Variants in PRKCA observed in about 807,000 individuals in gnomAD.
PRKCA encodes protein kinase C alpha.
A neutral mutation model predicts 87.0 loss-of-function variants in PRKCA; 27 were observed. That is an observed-to-expected ratio of 0.31 (90% CI 0.23 to 0.43). The LOEUF is 0.43. PRKCA is among the 20% of genes least tolerant of loss of function. The pLI is 1.00. For missense variants in PRKCA, 518 were observed against 852.3 expected (o/e 0.61, Z 4.88); for synonymous variants, 329 against 311.1 (o/e 1.06, Z -0.61).
At chr17:66,447,561 A>G (rs1254090513) in intron 2 of PRKCA, among the ~76,000 whole-genome samples, 1 of 152,206 alleles carries the variant, frequency 6.6e-6, no homozygotes, top group African/African-American at 2.4e-5. Context: ...TTGTTAAAAG[A>G]GCAGGGTGGT....
rs35886735 is a variant in PRKCA at position 66,803,636 on chromosome 17, CA to C, written c.1855-235del. On this transcript the variant is annotated intron_variant, in intron 16 of 16. Transcript: ENST00000413366. This position sits in a 1 kb window ranked among gnomAD's most constrained non-coding sequence, Gnocchi z 4.4. ...TGTTGCTGCCTCATTGCCAGCCGTGCAATTCCCACCCAGGGCTTCTGTTCGG... is the reference window on the plus strand; with the variant it reads ...TGTTGCTGCCTCATTGCCAGCCGTGCATTCCCACCCAGGGCTTCTGTTCGG... Among the ~76,000 whole-genome samples, 24,178 of 152,096 alleles carry C rather than the reference CA, an allele frequency of 0.16. 1,989 individuals are homozygous for C. Among genetic ancestry groups the C allele is most frequent in the African/African-American group, 0.2 (8,134 of 41,482 alleles).
intron 3 of PRKCA, among the ~76,000 whole-genome samples, chr17:66,534,528 G>A (rs148519164): frequency 0.014 from 2,157 of 152,136 alleles, 39 homozygotes; most frequent in African/African-American, 0.049. Flanking sequence ...TTAGCCGGGC[G>A]TGGTGGCGGG....
At chr17:66,738,951 C>A in intron 11 of PRKCA, 96 bp downstream of exon 11, 1 of 938,726 alleles carries the variant, frequency 1.1e-6, no homozygotes, top group Non-Finnish European at 1.7e-6. Context: ...GGGGGTCTCA[C>A]TCTGTCACTC....
rs539162600 is a variant in PRKCA at position 66,486,775 on chromosome 17, C to T, written c.206-9426C>T. On this transcript the variant is annotated intron_variant, in intron 2 of 16. Coordinates refer to ENST00000413366, the MANE Select transcript of PRKCA (RefSeq NM_002737.3). ...TGGCCTAACAGTATATTATACTTTT[C>T]TCAAATTGAGACCCCTGTTTATTGT... Among the ~76,000 whole-genome samples the T allele has an allele frequency of 9.2e-5, 14 of 152,262 alleles. No individual in the cohort carries two copies. In the South Asian group the frequency reaches 2.9e-3, roughly 32 times the overall value.
At chr17:66,690,817 G>A in intron 8 of PRKCA, among the ~76,000 whole-genome samples, 1 of 112,548 alleles carries the variant, frequency 8.9e-6, no homozygotes, top group East Asian at 2.7e-4. Context: ...AACAGAGCAA[G>A]ACTCTGTCTC....
At chr17:66,618,485 A>T (rs1970577721) in intron 3 of PRKCA, among the ~76,000 whole-genome samples, 1 of 152,194 alleles carries the variant, frequency 6.6e-6, no homozygotes, top group Non-Finnish European at 1.5e-5. Flanking sequence ...ATTAGAAGAA[A>T]ACATTAACTG....
chr17:66,680,053 A>C (rs1435949531), intron 5 of PRKCA, among the ~76,000 whole-genome samples: 1 of 152,232 alleles, frequency 6.6e-6, no homozygotes, highest in Non-Finnish European at 1.5e-5. Context: ...CTCAAAGACA[A>C]GGCTCATGGG....
In PRKCA at chr17:66,660,272, G is replaced by T. The variant is rs565305160; in HGVS notation, c.529+14761G>T. ...AGTGGGTCCGTTTGGTGGGGGTCCA[G>T]TTTTCTGAAACAACTCAAGGGCATG... On this transcript the variant is annotated intron_variant, in intron 5 of 16. Transcript: ENST00000413366. Among the ~76,000 whole-genome samples the T allele has an allele frequency of 3.3e-5, 5 of 152,236 alleles. No homozygotes were observed. The South Asian group carries it at 1.0e-3, about 32-fold the overall frequency.
chr17:66,499,312 T>C (rs1462462858), intron 3 of PRKCA, among the ~76,000 whole-genome samples: 4 of 151,922 alleles, frequency 2.6e-5, no homozygotes, highest in African/African-American at 7.3e-5. Context: ...GCCAGAAAAG[T>C]AGGAAGAAAA....
At chr17:66,677,566 G>A (rs561937103) in intron 5 of PRKCA, among the ~76,000 whole-genome samples, 110 of 152,292 alleles carry the variant, frequency 7.2e-4, no homozygotes, top group Non-Finnish European at 1.2e-3. Flanking sequence ...CACACTAATA[G>A]GTGAACCTGA....
intron 2 of PRKCA, among the ~76,000 whole-genome samples, chr17:66,352,987 G>A (rs1038097860): frequency 2.6e-5 from 4 of 152,040 alleles, no homozygotes; most frequent in Admixed American, 6.5e-5. Context: ...GTATTTCTTC[G>A]GTATCTGTTT....
intron 3 of PRKCA, among the ~76,000 whole-genome samples, chr17:66,567,816 C>T (rs1315577640): frequency 8.5e-5 from 13 of 152,100 alleles, no homozygotes; most frequent in Non-Finnish European, 2.9e-5. Context: ...TGAAAAATTC[C>T]TATAAGTGAA....
At chr17:66,362,117 C>A (rs904197624) in intron 2 of PRKCA, among the ~76,000 whole-genome samples, 5 of 152,120 alleles carry the variant, frequency 3.3e-5, no homozygotes, top group African/African-American at 1.2e-4. Flanking sequence ...CTCACTGCAA[C>A]CTCTGCCTCC....
chr17:66,617,409 C>T lies in PRKCA; in HGVS notation c.289-23946C>T, dbSNP rs535668329. On this transcript the variant is annotated intron_variant, in intron 3 of 16. Coordinates refer to ENST00000413366, the MANE Select transcript of PRKCA (RefSeq NM_002737.3). The stretch of plus-strand genomic sequence containing the variant: ...TGTGTTATCTGACACATACCAGCTT[C>T]GTGGATATCAAAGGGGGAGGATTAC... 4.6e-5 allele frequency among the ~76,000 whole-genome samples: 7 copies of T among 152,178 alleles called. 1 individual carries two copies. The highest frequency in any genetic ancestry group is 3.9e-4 in the Admixed American group (6 of 15,288).
At chr17:66,454,066 C>T (rs1914465029) in intron 2 of PRKCA, among the ~76,000 whole-genome samples, 1 of 152,220 alleles carries the variant, frequency 6.6e-6, no homozygotes, top group South Asian at 2.1e-4. Context: ...CCTCCTCATG[C>T]CCTAGTTTCA....
chr17:66,629,522 TAC>T (rs1333768886), intron 3 of PRKCA, among the ~76,000 whole-genome samples: 1 of 152,238 alleles, frequency 6.6e-6, no homozygotes, highest in Non-Finnish European at 1.5e-5. Flanking sequence ...TTCTCAGTCG[TAC>T]AGACTTGGCC....
At chr17:66,544,076 G>A (rs1001024428) in intron 3 of PRKCA, among the ~76,000 whole-genome samples, 1 of 152,252 alleles carries the variant, frequency 6.6e-6, no homozygotes, top group Non-Finnish European at 1.5e-5. Flanking sequence ...TTAGCCACGT[G>A]TGGTGGTGCA....
At chr17:66,513,516 T>G (rs1490002059) in intron 3 of PRKCA, among the ~76,000 whole-genome samples, 3 of 152,234 alleles carry the variant, frequency 2.0e-5, no homozygotes, top group Non-Finnish European at 4.4e-5. Context: ...TCTGGATAAG[T>G]GAAGTAGATG....
At chr17:66,475,911 T>G (rs1186635864) in intron 2 of PRKCA, among the ~76,000 whole-genome samples, 1 of 152,184 alleles carries the variant, frequency 6.6e-6, no homozygotes, top group Non-Finnish European at 1.5e-5. Context: ...AGTTTTTATT[T>G]TTTGAGATGG....
Sources: gnomAD v4.1 joint callset for allele counts (sites outside exome capture counted in the v4.1 genomes callset) on GRCh38, gnomAD v4.1.1 for gene constraint, Gnocchi (gnomAD v3.1) non-coding constraint, MANE v1.5 for transcripts, NCBI Gene and HGNC (gene_info 2026-07-23, HGNC 2026-07-21) for gene names.